Variants in SAMD3 observed in about 807,000 individuals in gnomAD.
SAMD3 encodes sterile alpha motif domain containing 3.
Under a neutral mutation model 58.5 loss-of-function variants are expected in SAMD3, and 63 were observed. The ratio of observed to expected loss-of-function variants is 1.08; its 90% CI spans 0.88 to 1.33. SAMD3 has a LOEUF of 1.33. Ranked by LOEUF, SAMD3 falls within the 40% of genes most tolerant of loss-of-function variation. The pLI, the probability that SAMD3 is intolerant of heterozygous loss-of-function variation, is 0.00. For missense variants in SAMD3, 604 were observed against 608.4 expected, an observed-to-expected ratio of 0.99 and a Z score of 0.08; for synonymous variants, 220 against 210.3, an observed-to-expected ratio of 1.05 and a Z score of -0.40.
intron 2 of SAMD3, among the ~76,000 whole-genome samples, chr6:130,255,614 T>C (rs1401593700): frequency 2.6e-5 from 4 of 152,206 alleles, no homozygotes; most frequent in African/African-American, 9.6e-5. Flanking sequence ...GTGTGAAATA[T>C]CTTTTTCCCT....
chr6:130,214,650 T>G, intron 3 of SAMD3, 124 bp from the exon 4 acceptor site: 1 of 603,682 alleles, frequency 1.7e-6, no homozygotes, highest in Non-Finnish European at 2.6e-6. Flanking sequence ...CATTATAAAT[T>G]TATCCATATT....
At chr6:130,192,057 G>A (rs1793596275) in intron 5 of SAMD3, among the ~76,000 whole-genome samples, 1 of 152,104 alleles carries the variant, frequency 6.6e-6, no homozygotes, top group South Asian at 2.1e-4. Flanking sequence ...CATGCATGTG[G>A]TTCTCCTCAT....
intron 9 of SAMD3, among the ~76,000 whole-genome samples, chr6:130,152,028 G>T (rs1186076226): frequency 5.5e-4 from 84 of 152,112 alleles, no homozygotes; most frequent in Non-Finnish European, 1.1e-3. Flanking sequence ...TAAATGCCTT[G>T]TTGAAAGAAA....
At chr6:130,258,834 T>C (rs1019446984) in intron 2 of SAMD3, among the ~76,000 whole-genome samples, 4 of 152,218 alleles carry the variant, frequency 2.6e-5, no homozygotes, top group Non-Finnish European at 4.4e-5. Context: ...CTTTTGATTA[T>C]CATTTAGTTC....
At position 130,241,513 on chromosome 6, in the gene SAMD3, C is replaced by A. The variant is rs941980145; in HGVS notation, c.-187-18700G>T. ...ACAGGCATGAGCCACTGCACCCGGC[C>A]TTAAACTTCCTGTGATTCTATTTGC... is the stretch of plus-strand genomic sequence containing the variant. On this transcript the variant is annotated intron_variant, in intron 2 of 13. Coordinates refer to the SAMD3 transcript ENST00000368134. 3.2e-4 allele frequency among the ~76,000 whole-genome samples: 49 copies of A among 152,240 alleles called. 1 individual carries two copies. The highest frequency in any genetic ancestry group is 3.2e-3 in the Admixed American group (49 of 15,286).
chr6:130,263,526 C>T (rs1010022272), intron 2 of SAMD3, among the ~76,000 whole-genome samples: 13 of 152,146 alleles, frequency 8.5e-5, no homozygotes, highest in Non-Finnish European at 1.3e-4. Context: ...AGCGCCACCC[C>T]CTCCAGAGTC....
chr6:130,295,454 A>T (rs1472923119), intron 2 of SAMD3, among the ~76,000 whole-genome samples: 3 of 152,188 alleles, frequency 2.0e-5, no homozygotes, highest in African/African-American at 7.2e-5. Context: ...TCTTGCGGTC[A>T]TAGGATTGTA....
chr6:130,146,179 C>T lies in SAMD3; in HGVS notation c.1026G>A (p.Met342Ile), dbSNP rs1788612207. 6.4e-7 allele frequency: 1 copy of T among 1,562,070 alleles called. No individual in the cohort carries two copies. The highest frequency in any genetic ancestry group is 1.4e-5 in the African/African-American group (1 of 72,822). ...TTGTAAGAAGTTGGAATTCTCTGAA[C>T]ATCTGACAAAAGAAGAAAGCAATGG... ...LFPFLKCPYQ[M>I]FREFQLLTRT... is the part of the protein sequence containing the mutation. Residue 342 changes from methionine (M) to isoleucine (I), a missense_variant and splice_region_variant, in exon 10 of 12, where the codon ATG becomes ATA. By Grantham distance (10) the Met-to-Ile change is conservative. Transcript: ENST00000439090.
At chr6:130,195,363 C>T (rs1328537594) in intron 5 of SAMD3, among the ~76,000 whole-genome samples, 1 of 152,192 alleles carries the variant, frequency 6.6e-6, no homozygotes, top group Admixed American at 6.5e-5. Context: ...GCATTAAAGC[C>T]TGTTATCACT....
chr6:130,266,085 G>GA (rs1774340992), intron 2 of SAMD3, among the ~76,000 whole-genome samples: 1 of 151,986 alleles, frequency 6.6e-6, no homozygotes, highest in Admixed American at 6.6e-5. Flanking sequence ...ATCCTCGCTA[G>GA]AAAAAAGGGG....
At chr6:130,276,626 C>T (rs1318030850) in intron 2 of SAMD3, among the ~76,000 whole-genome samples, 1 of 152,034 alleles carries the variant, frequency 6.6e-6, no homozygotes, top group Non-Finnish European at 1.5e-5. Flanking sequence ...TATGTATATA[C>T]ACTTACATTA....
intron 1 of SAMD3, among the ~76,000 whole-genome samples, chr6:130,329,064 CTT>C (rs1491046058): frequency 4.0e-5 from 6 of 151,748 alleles, no homozygotes; most frequent in Admixed American, 2.6e-4. Context: ...CTCTCTCTCT[CTT>C]ATCTATCACC....
intron 8 of SAMD3, among the ~76,000 whole-genome samples, chr6:130,168,844 C>T (rs1283998484): frequency 2.0e-5 from 3 of 152,034 alleles, no homozygotes; most frequent in African/African-American, 4.8e-5. Context: ...GCTCTGTCAC[C>T]CAGGCTAGAG....
At chr6:130,249,171 G>A (rs752200404) in intron 2 of SAMD3, among the ~76,000 whole-genome samples, 4 of 152,120 alleles carry the variant, frequency 2.6e-5, no homozygotes, top group Non-Finnish European at 4.4e-5. Context: ...AAATAAAAGG[G>A]CTGGGACCTA....
chr6:130,334,471 T>C (rs1583121808), intron 1 of SAMD3, among the ~76,000 whole-genome samples: 1 of 152,136 alleles, frequency 6.6e-6, no homozygotes, highest in Admixed American at 6.5e-5. Flanking sequence ...GGCAATTGAG[T>C]TTCAGAGGCA....
chr6:130,349,715 T>C (rs1777591950), intron 1 of SAMD3, among the ~76,000 whole-genome samples: 2 of 152,314 alleles, frequency 1.3e-5, no homozygotes, highest in South Asian at 4.1e-4. Flanking sequence ...CCCTAACTCA[T>C]TTTATGAGGC....
intron 2 of SAMD3, among the ~76,000 whole-genome samples, chr6:130,293,739 T>A (rs905097100): frequency 1.8e-4 from 28 of 151,594 alleles, no homozygotes; most frequent in African/African-American, 6.3e-4. Context: ...GTGAGTGGAT[T>A]GTGTCACCAG....
chr6:130,171,882 C>A (rs1791283155), intron 8 of SAMD3, among the ~76,000 whole-genome samples: 1 of 152,206 alleles, frequency 6.6e-6, no homozygotes, highest in Non-Finnish European at 1.5e-5. Flanking sequence ...TTTTATGAAT[C>A]TGGGTGCTCC....
In SAMD3 at chr6:130,238,561, C is replaced by CA. The variant is rs74702591; in HGVS notation, c.-187-15749dup. Among the ~76,000 whole-genome samples the CA allele has an allele frequency of 2.7e-3, 379 of 138,406 alleles. 2 individuals carry two copies. The highest frequency in any genetic ancestry group is 8.1e-3 in the African/African-American group (302 of 37,150). 90.8% of individuals were successfully genotyped at this position (138,406 alleles called of 152,430 possible). A position where few individuals can be genotyped will look rare whatever the true frequency, so the allele number is the denominator to read the frequency against. Reference sequence around the variant, plus strand: ...AATGATCAAAAGAAAAGTAAAAGGACAAAAAAAAAAATACTTGGTCTAGGA... The same window carrying CA: ...AATGATCAAAAGAAAAGTAAAAGGACAAAAAAAAAAAATACTTGGTCTAGGA... On this transcript the variant is annotated intron_variant, in intron 2 of 13. Coordinates refer to the SAMD3 transcript ENST00000368134.
Sources: gnomAD v4.1 joint callset for allele counts (sites outside exome capture counted in the v4.1 genomes callset) on GRCh38, gnomAD v4.1.1 for gene constraint, MANE v1.5 for transcripts, NCBI Gene and HGNC (gene_info 2026-07-23, HGNC 2026-07-21) for gene names.